Variants in SLC35F1 observed in about 807,000 individuals in gnomAD.
SLC35F1 encodes chromosome 6 open reading frame 169.
In SLC35F1, 14 loss-of-function variants were observed where a neutral mutation model predicts 48.7. That is an observed-to-expected ratio of 0.29 (90% CI 0.19 to 0.45). The LOEUF is 0.45. SLC35F1 is among the 20% of genes least tolerant of loss of function. The pLI is 1.00. For synonymous variants in SLC35F1, 190 were observed against 202.2 expected (o/e 0.94, Z 0.51); for missense variants, 404 against 500.0 (o/e 0.81, Z 1.83).
chr6:118,174,931 A>G (rs1043719108), intron 2 of SLC35F1, among the ~76,000 whole-genome samples: 3 of 152,064 alleles, frequency 2.0e-5, no homozygotes, highest in African/African-American at 7.2e-5. Context: ...AAGTCTGTAA[A>G]CCATAAAAGT....
At chr6:118,184,259 A>G (rs893433984) in intron 2 of SLC35F1, among the ~76,000 whole-genome samples, 29 of 152,310 alleles carry the variant, frequency 1.9e-4, no homozygotes, top group African/African-American at 6.7e-4. Flanking sequence ...TGGAAAAACT[A>G]TCAAGAGCAA....
intron 2 of SLC35F1, among the ~76,000 whole-genome samples, chr6:118,159,696 G>A (rs1391779414): frequency 6.6e-6 from 1 of 152,210 alleles, no homozygotes; most frequent in East Asian, 1.9e-4. Context: ...CTTTTGTGAT[G>A]TAAGAGTAAG....
At chr6:118,044,226 G>T (rs1464680480) in intron 1 of SLC35F1, among the ~76,000 whole-genome samples, 5 of 152,160 alleles carry the variant, frequency 3.3e-5, no homozygotes, top group Non-Finnish European at 5.9e-5. Context: ...ATCATCCATA[G>T]GAGCTGTGGA....
chr6:118,283,729 C>T (rs1314343219), intron 6 of SLC35F1, among the ~76,000 whole-genome samples: 1 of 152,062 alleles, frequency 6.6e-6, no homozygotes, highest in African/African-American at 2.4e-5. Context: ...ATTTTTATGT[C>T]TTTTCATGTA....
At chr6:118,025,131 T>A (rs1346442512) in intron 1 of SLC35F1, among the ~76,000 whole-genome samples, 1 of 152,198 alleles carries the variant, frequency 6.6e-6, no homozygotes, top group African/African-American at 2.4e-5. Flanking sequence ...TTTTTCTAAC[T>A]CCCTTTTTCT....
At chr6:118,212,873 A>G (rs1775024788) in intron 2 of SLC35F1, among the ~76,000 whole-genome samples, 1 of 152,182 alleles carries the variant, frequency 6.6e-6, no homozygotes, top group Non-Finnish European at 1.5e-5. Flanking sequence ...GTTTTCTTAT[A>G]GGAGTAGATA....
intron 4 of SLC35F1, among the ~76,000 whole-genome samples, chr6:118,271,264 A>G (rs753532117): frequency 2.5e-4 from 38 of 152,200 alleles, no homozygotes; most frequent in Non-Finnish European, 4.4e-4. Flanking sequence ...GTTTAAGGGC[A>G]CACCATCACC....
chr6:118,246,333 T>C (rs945225679), intron 3 of SLC35F1, among the ~76,000 whole-genome samples: 1 of 152,172 alleles, frequency 6.6e-6, no homozygotes, highest in African/African-American at 2.4e-5. Flanking sequence ...GCTTTACAGA[T>C]AGATGGCTGT....
intron 2 of SLC35F1, among the ~76,000 whole-genome samples, chr6:118,198,163 C>T (rs1418749914): frequency 6.6e-6 from 1 of 152,208 alleles, no homozygotes; most frequent in African/African-American, 2.4e-5. Context: ...GGACTTCAAT[C>T]ATGCAATCTG....
At chr6:117,968,109 T>C (rs1206941000) in intron 1 of SLC35F1, among the ~76,000 whole-genome samples, 1 of 152,178 alleles carries the variant, frequency 6.6e-6, no homozygotes, top group Non-Finnish European at 1.5e-5. Context: ...TAGAACTTTC[T>C]TGTTTGCTTA....
chr6:117,922,759 T>A (rs563011950), intron 1 of SLC35F1, among the ~76,000 whole-genome samples: 12 of 152,310 alleles, frequency 7.9e-5, no homozygotes, highest in African/African-American at 2.9e-4. Context: ...TTTCATTATG[T>A]GGGATAATTA....
At chr6:118,004,023 G>A (rs1777141560) in intron 1 of SLC35F1, among the ~76,000 whole-genome samples, 1 of 152,186 alleles carries the variant, frequency 6.6e-6, no homozygotes, top group South Asian at 2.1e-4. Context: ...AATGCAAAAT[G>A]CAAGTGAAAG....
intron 2 of SLC35F1, among the ~76,000 whole-genome samples, chr6:118,205,854 T>C (rs552889495): frequency 6.6e-6 from 1 of 152,122 alleles, no homozygotes; most frequent in East Asian, 1.9e-4. Context: ...CCCTTGAAAA[T>C]ATTATGCTAA....
chr6:118,097,640 T>A (rs1272168059), intron 1 of SLC35F1, among the ~76,000 whole-genome samples: 1 of 152,292 alleles, frequency 6.6e-6, no homozygotes, highest in Non-Finnish European at 1.5e-5. Context: ...GAAGATTGCT[T>A]TATGCAGGAA....
chr6:118,167,350 A>G (rs1366113102), intron 2 of SLC35F1, among the ~76,000 whole-genome samples: 1 of 152,134 alleles, frequency 6.6e-6, no homozygotes, highest in Non-Finnish European at 1.5e-5. Context: ...TCTTTAGGTG[A>G]TTTCGTCATT....
chr6:117,993,190 C>T (rs952136691), intron 1 of SLC35F1, among the ~76,000 whole-genome samples: 60 of 152,252 alleles, frequency 3.9e-4, no homozygotes, highest in East Asian at 5.8e-4. Context: ...AGAGCTGGGG[C>T]ATAGCCAGCA....
intron 7 of SLC35F1, among the ~76,000 whole-genome samples, chr6:118,296,020 A>G (rs905250768): frequency 6.6e-6 from 1 of 152,144 alleles, no homozygotes; most frequent in Non-Finnish European, 1.5e-5. Context: ...TGGGGAAGGG[A>G]TGCATTTCCA....
chr6:117,949,428 T>C (rs1776334823), intron 1 of SLC35F1, among the ~76,000 whole-genome samples: 1 of 152,192 alleles, frequency 6.6e-6, no homozygotes, highest in African/African-American at 2.4e-5. Flanking sequence ...CATATCCAAT[T>C]TGACAAGCAC....
At chr6:117,976,150 T>C (rs1205202478) in intron 1 of SLC35F1, among the ~76,000 whole-genome samples, 1 of 152,238 alleles carries the variant, frequency 6.6e-6, no homozygotes, top group East Asian at 1.9e-4. Flanking sequence ...TGAGCACAAT[T>C]CTTTGTCTTC....
Sources: gnomAD v4.1 joint callset for allele counts (sites outside exome capture counted in the v4.1 genomes callset) on GRCh38, gnomAD v4.1.1 for gene constraint, MANE v1.5 for transcripts, NCBI Gene and HGNC (gene_info 2026-07-23, HGNC 2026-07-21) for gene names.